The following MYLK variants were observed in gnomAD, a reference collection of about 807,000 sequenced individuals.
The protein encoded by MYLK is myosin light chain kinase.
In MYLK, 106 loss-of-function variants were observed where a neutral mutation model predicts 203.4. The observed-to-expected ratio is 0.52, with a 90% confidence interval of 0.45 to 0.61. The LOEUF is 0.61. MYLK is among the 20% of genes least tolerant of loss of function. The pLI, the probability that MYLK is intolerant of heterozygous loss-of-function variation, is 0.00. For synonymous variants in MYLK, 867 were observed against 959.5 expected (o/e 0.90, Z 1.78); for missense variants, 2,072 against 2,442.3 (o/e 0.85, Z 3.20).
At chr3:123,727,022 CCTA>C (rs1560137706) in intron 11 of MYLK, among the ~76,000 whole-genome samples, 1 of 152,176 alleles carries the variant, frequency 6.6e-6, no homozygotes, top group Non-Finnish European at 1.5e-5. Context: ...GATGTGAGGG[CCTA>C]CTATGTGCCA....
chr3:123,841,792 T>TGAGA (rs2066597751), intron 2 of MYLK, among the ~76,000 whole-genome samples: 1 of 152,154 alleles, frequency 6.6e-6, no homozygotes, highest in African/African-American at 2.4e-5. Flanking sequence ...TTAGAGAGTC[T>TGAGA]GAGAGTGTCA....
Position 123,680,125 on chromosome 3 carries a change from G to A in MYLK, c.3652+2099C>T, listed in dbSNP as rs570056538. Among the ~76,000 whole-genome samples the A allele has an allele frequency of 2.0e-4, 31 of 152,288 alleles. No individual in the cohort carries two copies. In the East Asian group the frequency reaches 5.4e-3, roughly 27 times the overall value. On this transcript the variant is annotated intron_variant, in intron 20 of 33. Coordinates refer to ENST00000360304, the MANE Select transcript of MYLK (RefSeq NM_053025.4). Reference sequence around the variant, plus strand: ...GAATATAACACACAGCCAGGGGTGCGAGCTGCTGCTCCAGACTCGGACAGT... The same window carrying A: ...GAATATAACACACAGCCAGGGGTGCAAGCTGCTGCTCCAGACTCGGACAGT...
At chr3:123,695,091 G>C (rs145910001) in intron 18 of MYLK, among the ~76,000 whole-genome samples, 5 of 152,212 alleles carry the variant, frequency 3.3e-5, no homozygotes, top group African/African-American at 1.2e-4. Context: ...TGAGTTGGGG[G>C]CAGAGGGGAG....
intron 33 of MYLK, chr3:123,618,364 C>A (rs1327150512): frequency 4.5e-6 from 2 of 445,172 alleles, no homozygotes; most frequent in Non-Finnish European, 8.4e-6. Context: ...CCATGCAAGG[C>A]CATTTCTAAA....
chr3:123,790,767 C>A (rs1024521217), intron 4 of MYLK, among the ~76,000 whole-genome samples: 14 of 152,236 alleles, frequency 9.2e-5, no homozygotes, highest in African/African-American at 3.4e-4. Flanking sequence ...TTTCTCACAT[C>A]TGTGGTGTCC....
At chr3:123,798,701 C>T (rs1257558235) in intron 3 of MYLK, among the ~76,000 whole-genome samples, 1 of 152,048 alleles carries the variant, frequency 6.6e-6, no homozygotes, top group African/African-American at 2.4e-5. Context: ...AACATCTAGT[C>T]CCTTGCAAAG....
intron 4 of MYLK, among the ~76,000 whole-genome samples, chr3:123,775,733 T>C (rs1327415088): frequency 6.6e-6 from 1 of 152,150 alleles, no homozygotes; most frequent in Non-Finnish European, 1.5e-5. Context: ...TACCAAGTAG[T>C]TCAACATTCG....
chr3:123,667,959 T>G (rs2059795110), intron 20 of MYLK, among the ~76,000 whole-genome samples: 1 of 152,214 alleles, frequency 6.6e-6, no homozygotes, highest in Non-Finnish European at 1.5e-5. Context: ...TTTCATTTTT[T>G]TAAAGTTTGT....
At chr3:123,712,354 T>C (rs1341109994) in intron 13 of MYLK, among the ~76,000 whole-genome samples, 1 of 152,218 alleles carries the variant, frequency 6.6e-6, no homozygotes, top group Admixed American at 6.5e-5. Context: ...TGTCTTTCTA[T>C]AGCATTCCCT....
At chr3:123,638,938 G>A in intron 28 of MYLK, 2 of 985,428 alleles carry the variant, frequency 2.0e-6, no homozygotes, top group Non-Finnish European at 2.4e-6. Flanking sequence ...CACAGCAAAT[G>A]TTCTAAAACA....
At chr3:123,626,442 A>T (rs377361402) in intron 31 of MYLK, among the ~76,000 whole-genome samples, 1 of 152,200 alleles carries the variant, frequency 6.6e-6, no homozygotes, top group South Asian at 2.1e-4. Flanking sequence ...AAGAAATGTG[A>T]AACCACCATA....
Position 123,793,841 on chromosome 3 carries a change from T to TG in MYLK, c.-1dup, listed in dbSNP as rs760468302. The TG allele has an allele frequency of 1.2e-6, 2 of 1,614,100 alleles. No individual in the cohort carries two copies. Among genetic ancestry groups the TG allele is most frequent in the South Asian group, 2.2e-5 (2 of 91,066 alleles). On this transcript the variant is annotated 5_prime_UTR_variant, in exon 4 of 34. Coordinates refer to ENST00000360304, the MANE Select transcript of MYLK (RefSeq NM_053025.4). ...GAGGCAACCAGCTTCACATCCCCCA[T>TG]GGTCTGCAAAAAGGAAGGAAGAGGA...
chr3:123,760,066 A>G (rs7642892), intron 4 of MYLK, among the ~76,000 whole-genome samples: 6,101 of 152,328 alleles, frequency 0.04, 412 homozygotes, highest in African/African-American at 0.14. Flanking sequence ...GGGCTGCATC[A>G]ATCATCAGCT....
intron 9 of MYLK, 69 bp downstream of exon 9, chr3:123,735,329 A>T: frequency 6.3e-7 from 1 of 1,589,310 alleles, no homozygotes; most frequent in Non-Finnish European, 8.6e-7. Context: ...AATTCAGGGC[A>T]TTTCTCGGTA....
intron 3 of MYLK, among the ~76,000 whole-genome samples, chr3:123,795,349 G>A (rs956658799): frequency 1.3e-5 from 2 of 152,114 alleles, no homozygotes; most frequent in African/African-American, 2.4e-5. Context: ...TATGATGCCC[G>A]GTGATGAGTC....
chr3:123,824,744 A>G (rs1170073486), intron 3 of MYLK, among the ~76,000 whole-genome samples: 5 of 152,222 alleles, frequency 3.3e-5, no homozygotes, highest in African/African-American at 7.2e-5. Context: ...CTTTCATTAA[A>G]AAAAGAAAAA....
rs1287697740 is a variant in MYLK at position 123,642,139 on chromosome 3, C to T, written c.4620-1635G>A. 1.3e-5 allele frequency among the ~76,000 whole-genome samples: 2 copies of T among 152,068 alleles called. No homozygotes were observed. Among genetic ancestry groups the T allele is most frequent in the African/African-American group, 2.4e-5 (1 of 41,398 alleles). Reference sequence around the variant, plus strand: ...AAGGCCGGGTGGGTTCTGGGCCTGTCCTCTTGCAAGGGTATTTCCTCTCCT... The same window carrying T: ...AAGGCCGGGTGGGTTCTGGGCCTGTTCTCTTGCAAGGGTATTTCCTCTCCT... On this transcript the variant is annotated intron_variant, in intron 27 of 33. Transcript: ENST00000360304. The surrounding 1 kb of genome is among the most constrained non-coding windows in gnomAD (Gnocchi z 4.2).
chr3:123,628,943 C>T (rs820448), intron 30 of MYLK, among the ~76,000 whole-genome samples: 1 of 152,052 alleles, frequency 6.6e-6, no homozygotes, highest in Non-Finnish European at 1.5e-5. Flanking sequence ...GATGTTAGAA[C>T]GTACCTGGCT....
chr3:123,797,272 T>C (rs1272489812), intron 3 of MYLK, among the ~76,000 whole-genome samples: 1 of 152,192 alleles, frequency 6.6e-6, no homozygotes. Flanking sequence ...TATATGTTTG[T>C]AGAACCATTT....
Sources: gnomAD v4.1 joint callset for allele counts (sites outside exome capture counted in the v4.1 genomes callset) on GRCh38, gnomAD v4.1.1 for gene constraint, Gnocchi (gnomAD v3.1) non-coding constraint, MANE v1.5 for transcripts, NCBI Gene and HGNC (gene_info 2026-07-23, HGNC 2026-07-21) for gene names.